The following LAMC1 variants were observed in gnomAD, a reference collection of about 807,000 sequenced individuals.
LAMC1 encodes laminin subunit gamma 1.
A neutral mutation model predicts 173.6 loss-of-function variants in LAMC1; 38 were observed. The ratio of observed to expected loss-of-function variants is 0.22; its 90% confidence interval spans 0.17 to 0.29. The LOEUF is 0.29. Ranked by LOEUF, LAMC1 falls within the 10% of genes least tolerant of loss-of-function variation. LAMC1 has a pLI of 1.00. For missense variants in LAMC1, 1,824 were observed against 2,051.8 expected (o/e 0.89, Z 2.14); for synonymous variants, 746 against 749.1 (o/e 1.00, Z 0.07).
chr1:183,042,562 T>G (rs948194659), intron 1 of LAMC1, among the ~76,000 whole-genome samples: 1 of 152,168 alleles, frequency 6.6e-6, no homozygotes, highest in Non-Finnish European at 1.5e-5. Context: ...AGAGTCTGGT[T>G]TCTCCCAAGT....
intron 1 of LAMC1, among the ~76,000 whole-genome samples, chr1:183,075,147 CAG>C (rs1655094002): frequency 7.0e-6 from 1 of 142,344 alleles, no homozygotes; most frequent in African/African-American, 2.7e-5. Flanking sequence ...TTTTTCGAGA[CAG>C]GGTGTTACTC....
Position 183,122,099 on chromosome 1 carries a change from A to G in LAMC1, c.2249A>G (p.His750Arg), listed in dbSNP as rs1206379786. 3 of 1,614,116 alleles carry G rather than the reference A, an allele frequency of 1.9e-6. No homozygotes were observed. Among genetic ancestry groups the G allele is most frequent in the South Asian group, 1.1e-5 (1 of 91,058 alleles). The change falls in exon 13 of 28, where the codon CAC (histidine) becomes CGC (arginine). Residue 750 changes from histidine (H) to arginine (R), a missense_variant. Transcript: ENST00000258341. Reference protein sequence around the residue: ...CNCRDNTAGPHCEKCSDGYYG... With the variant: ...CNCRDNTAGPRCEKCSDGYYG... ...TGCAGAGACAATACGGCTGGCCCGC[A>G]CTGTGAGAAGTGCAGTGATGGGTAC... is the stretch of plus-strand genomic sequence containing the variant.
chr1:183,033,280 G>A (rs1399157954), intron 1 of LAMC1, among the ~76,000 whole-genome samples: 2 of 152,224 alleles, frequency 1.3e-5, no homozygotes, highest in East Asian at 3.8e-4. Flanking sequence ...TTTCATTGAA[G>A]TACCTGCAGA....
Position 183,143,076 on chromosome 1 carries a change from G to C in LAMC1, c.*286G>C. 2.9e-6 allele frequency: 1 copy of C among 339,810 alleles called. No homozygotes were observed. Among genetic ancestry groups the C allele is most frequent in the Non-Finnish European group, 5.5e-6 (1 of 181,646 alleles). The allele number at this position is 339,810 out of a possible 1,614,324, so 21.0% of individuals were successfully genotyped here. ...TGAGGACGTGGCATCCTACGTTACTGTACAGTGGCATAAGCACATCGTGTG... is the reference window on the plus strand; with the variant it reads ...TGAGGACGTGGCATCCTACGTTACTCTACAGTGGCATAAGCACATCGTGTG... On this transcript the variant is annotated 3_prime_UTR_variant, in exon 28 of 28. Transcript: ENST00000258341.
intron 11 of LAMC1, among the ~76,000 whole-genome samples, chr1:183,120,303 C>T (rs1266287356): frequency 6.6e-6 from 1 of 151,376 alleles, no homozygotes; most frequent in African/African-American, 2.4e-5. Flanking sequence ...AAGGAAAAGA[C>T]ATGGACTATA....
At chr1:183,118,272 A>T in intron 11 of LAMC1, 126 bp downstream of exon 11, 1 of 554,974 alleles carries the variant, frequency 1.8e-6, no homozygotes. Context: ...CTCACATTAT[A>T]CATGAATTAT....
chr1:183,047,493 A>T (rs1370309399), intron 1 of LAMC1, among the ~76,000 whole-genome samples: 1 of 152,116 alleles, frequency 6.6e-6, no homozygotes, highest in Non-Finnish European at 1.5e-5. Context: ...CTGAAACCTT[A>T]TTTATCATCT....
rs371577153 is a variant in LAMC1 at position 183,024,063 on chromosome 1, C to G, written c.347C>G (p.Thr116Ser). ...GACTACAACAACCAGGCCGACACCACCTGGTGGCAAAGCCAGACCATGCTG... is the reference window on the plus strand; with the variant it reads ...GACTACAACAACCAGGCCGACACCAGCTGGTGGCAAAGCCAGACCATGCTG... The part of the protein sequence containing the change: ...LTDYNNQADT[T>S]WWQSQTMLAG... The change falls in exon 1 of 28, where the codon ACC becomes AGC. Residue 116 changes from threonine (T) to serine (S), a missense_variant. Transcript: ENST00000258341. 3.0e-5 allele frequency: 49 copies of G among 1,611,896 alleles called. No individual in the cohort carries two copies. The highest frequency in any genetic ancestry group is 4.0e-5 in the Non-Finnish European group (47 of 1,179,378).
chr1:183,068,252 A>G (rs560521572), intron 1 of LAMC1, among the ~76,000 whole-genome samples: 4 of 151,880 alleles, frequency 2.6e-5, no homozygotes, highest in South Asian at 2.1e-4. Context: ...TTGTGTGTGT[A>G]TGTGTGTGTG....
chr1:183,044,929 A>T (rs1346827082), intron 1 of LAMC1, among the ~76,000 whole-genome samples: 2 of 137,406 alleles, frequency 1.5e-5, no homozygotes, highest in Admixed American at 7.2e-5. Context: ...CTCAATGCTT[A>T]AAAAAAAAAA....
intron 6 of LAMC1, among the ~76,000 whole-genome samples, chr1:183,116,129 C>CA (rs10689019): frequency 0.031 from 3,916 of 127,348 alleles, 187 homozygotes; most frequent in African/African-American, 0.1. Context: ...GACTCTGTCT[C>CA]AAAAAAAAAA....
chr1:183,093,671 T>C (rs1357648147), intron 1 of LAMC1, among the ~76,000 whole-genome samples: 2 of 152,206 alleles, frequency 1.3e-5, no homozygotes, highest in Non-Finnish European at 2.9e-5. Flanking sequence ...ACCTGCTGAA[T>C]TGATATTTTC....
At chr1:183,048,951 T>G (rs545303350) in intron 1 of LAMC1, among the ~76,000 whole-genome samples, 1 of 152,206 alleles carries the variant, frequency 6.6e-6, no homozygotes, top group Non-Finnish European at 1.5e-5. Flanking sequence ...ATTAACATTG[T>G]GGTATATATA....
At chr1:183,065,880 A>G (rs1007238602) in intron 1 of LAMC1, among the ~76,000 whole-genome samples, 3 of 152,184 alleles carry the variant, frequency 2.0e-5, no homozygotes, top group African/African-American at 4.8e-5. Flanking sequence ...TGCCATTTAC[A>G]GTTTGTGTGA....
chr1:183,103,407 A>C lies in LAMC1; in HGVS notation c.498A>C (p.Thr166=). ...RPESFAIYKR[T]REDGPWIPYQ... is the part of the protein sequence containing the mutation. ...AGAGCTTTGCCATTTACAAGCGCAC[A>C]CGGGAAGACGGGCCCTGGATTCCTT... Residue 166 remains threonine (T), a synonymous_variant, in exon 2 of 28, where the codon ACA becomes ACC. Transcript: ENST00000258341. 1 of 1,614,200 alleles carries C rather than the reference A, an allele frequency of 6.2e-7. No individual in the cohort carries two copies. The highest frequency in any genetic ancestry group is 2.2e-5 in the East Asian group (1 of 44,884).
chr1:183,125,592 T>C, intron 15 of LAMC1, 42 bp downstream of exon 15: 1 of 1,445,550 alleles, frequency 6.9e-7, no homozygotes. Context: ...CTTTGCTTTT[T>C]CTGTTATAAA....
intron 1 of LAMC1, among the ~76,000 whole-genome samples, chr1:183,080,386 G>A (rs1655239562): frequency 6.6e-6 from 1 of 152,088 alleles, no homozygotes; most frequent in Non-Finnish European, 1.5e-5. Flanking sequence ...AAATATACAT[G>A]TGCAAAACTT....
At chr1:183,096,765 TGACC>T (rs1334286877) in intron 1 of LAMC1, 2 of 152,170 alleles carry the variant, frequency 1.3e-5, no homozygotes, top group African/African-American at 4.8e-5. Context: ...TGTTGGCATT[TGACC>T]GATTGACAAG....
intron 1 of LAMC1, among the ~76,000 whole-genome samples, chr1:183,085,858 CTT>C (rs1244191582): frequency 6.6e-6 from 1 of 152,150 alleles, no homozygotes; most frequent in Non-Finnish European, 1.5e-5. Context: ...TTCTTTTGCT[CTT>C]GTTTTCTACC....
Sources: gnomAD v4.1 joint callset for allele counts (sites outside exome capture counted in the v4.1 genomes callset) on GRCh38, gnomAD v4.1.1 for gene constraint, MANE v1.5 for transcripts, NCBI Gene and HGNC (gene_info 2026-07-23, HGNC 2026-07-21) for gene names.